The following OPCML variants were observed in gnomAD, a reference collection of about 807,000 sequenced individuals.
OPCML encodes opioid-binding protein/cell adhesion molecule.
Under a neutral mutation model 37.8 loss-of-function variants are expected in OPCML, and 13 were observed. The ratio of observed to expected loss-of-function variants is 0.34; its 90% CI spans 0.22 to 0.55. OPCML has a LOEUF of 0.55. Among genes scored for constraint, OPCML ranks in the 20% least tolerant of loss-of-function variants. The pLI is 0.91. For synonymous variants in OPCML, 176 were observed against 168.8 expected (o/e 1.04, Z -0.33); for missense variants, 341 against 435.6 (o/e 0.78, Z 1.93).
At chr11:132,565,180 C>A (rs2096419563) in intron 3 of OPCML, among the ~76,000 whole-genome samples, 2 of 152,180 alleles carry the variant, frequency 1.3e-5, no homozygotes, top group South Asian at 4.1e-4. Flanking sequence ...CTGGGAACCT[C>A]TCTAGGTTAT....
chr11:132,941,162 C>G (rs1213496540), intron 2 of OPCML, among the ~76,000 whole-genome samples: 1 of 152,150 alleles, frequency 6.6e-6, no homozygotes, highest in African/African-American at 2.4e-5. Flanking sequence ...AGCCCAGCTG[C>G]TCAACATTAG....
intron 1 of OPCML, among the ~76,000 whole-genome samples, chr11:132,950,567 T>C (rs559270663): frequency 6.6e-6 from 1 of 152,284 alleles, no homozygotes; most frequent in African/African-American, 2.4e-5. Context: ...GGGAGAAAGA[T>C]TTGAAGCTTA....
chr11:132,470,409 T>C (rs575626109), intron 4 of OPCML, among the ~76,000 whole-genome samples: 6 of 152,130 alleles, frequency 3.9e-5, no homozygotes, highest in Non-Finnish European at 5.9e-5. Context: ...GATAGCCGTG[T>C]CAGTCACTGA....
At chr11:132,797,308 C>T (rs1938383101) in intron 2 of OPCML, among the ~76,000 whole-genome samples, 1 of 152,214 alleles carries the variant, frequency 6.6e-6, no homozygotes, top group South Asian at 2.1e-4. Flanking sequence ...GTTCCAACTT[C>T]ATTATTTGCA....
intron 1 of OPCML, among the ~76,000 whole-genome samples, chr11:133,453,625 G>T (rs2136963267): frequency 6.6e-6 from 1 of 152,242 alleles, no homozygotes; most frequent in Non-Finnish European, 1.5e-5. Flanking sequence ...GAAATCTGTG[G>T]CTGGTGCTCA....
At chr11:133,340,698 C>T (rs944073720) in intron 1 of OPCML, among the ~76,000 whole-genome samples, 1 of 150,752 alleles carries the variant, frequency 6.6e-6, no homozygotes, top group African/African-American at 2.4e-5. Flanking sequence ...AATAGCCATT[C>T]TCGGTATAAC....
At position 132,852,890 on chromosome 11, in the gene OPCML, T is replaced by A. The variant is rs373999294; in HGVS notation, c.146+90036A>T. Among the ~76,000 whole-genome samples, 11 of 150,498 alleles carry A rather than the reference T, an allele frequency of 7.3e-5. No homozygotes were observed. In the East Asian group the frequency reaches 1.4e-3, roughly 19 times the overall value. The stretch of plus-strand genomic sequence containing the variant: ...GAACTGAGATCTTTTATTGAAAAAA[T>A]TTTAAAAGGTTGTTAAAAAAAAAAA... On this transcript the variant is annotated intron_variant, in intron 2 of 7. Coordinates refer to ENST00000524381, the MANE Select transcript of OPCML (RefSeq NM_001012393.5).
chr11:132,638,186 T>TATATATATATATAC lies in OPCML; in HGVS notation c.379+18900_379+18901insGTATATATATATAT, dbSNP rs71067383. ...GACTATATATATATATATATATATA[T>TATATATATATATAC]ACAGAGAGAGAGAGAGCATATATAC... On this transcript the variant is annotated intron_variant, in intron 3 of 7. Transcript: ENST00000524381. Among the ~76,000 whole-genome samples, 359 of 131,028 alleles carry TATATATATATATAC rather than the reference T, an allele frequency of 2.7e-3. 9 individuals carry two copies. Among genetic ancestry groups the TATATATATATATAC allele is most frequent in the East Asian group, 4.0e-3 (18 of 4,504 alleles). The allele number at this position is 131,028 out of a possible 152,430, so 86.0% of individuals were successfully genotyped here.
At chr11:133,492,010 G>T (rs999205402) in intron 1 of OPCML, among the ~76,000 whole-genome samples, 1 of 152,282 alleles carries the variant, frequency 6.6e-6, no homozygotes, top group South Asian at 2.1e-4. Flanking sequence ...AGGAAAGCAC[G>T]CTCAAATCAG....
intron 1 of OPCML, among the ~76,000 whole-genome samples, chr11:133,368,963 C>A (rs920684920): frequency 6.6e-6 from 1 of 152,134 alleles, no homozygotes; most frequent in South Asian, 2.1e-4. Context: ...AATTTAAAAC[C>A]GTTATAAGAA....
At chr11:132,666,133 C>T (rs1273018865) in intron 2 of OPCML, among the ~76,000 whole-genome samples, 2 of 152,118 alleles carry the variant, frequency 1.3e-5, no homozygotes, top group African/African-American at 2.4e-5. Flanking sequence ...ATGGTGTCTT[C>T]GTCCATTTCC....
chr11:132,648,111 TCA>T (rs2135741756), intron 3 of OPCML, among the ~76,000 whole-genome samples: 1 of 152,348 alleles, frequency 6.6e-6, no homozygotes, highest in East Asian at 1.9e-4. Flanking sequence ...TATTCTGAAT[TCA>T]CAGTTTACTT....
In OPCML at chr11:133,260,878, T is replaced by G. The variant is rs1034593842; in HGVS notation, c.61+271386A>C. ...CTTGATGCCTTAGTACATAGATTTT[T>G]TTTTTTCTGAAATAGACTAAGAAGA... On this transcript the variant is annotated intron_variant, in intron 1 of 7. Coordinates refer to ENST00000524381, the MANE Select transcript of OPCML (RefSeq NM_001012393.5). Among the ~76,000 whole-genome samples the G allele has an allele frequency of 2.0e-5, 3 of 152,098 alleles. No homozygotes were observed. In the East Asian group the frequency reaches 5.8e-4, roughly 29 times the overall value.
intron 1 of OPCML, among the ~76,000 whole-genome samples, chr11:133,477,934 A>G (rs1947280724): frequency 6.6e-6 from 1 of 152,230 alleles, no homozygotes; most frequent in South Asian, 2.1e-4. Context: ...TTTTGAGGAA[A>G]GGGTGTATGT....
intron 1 of OPCML, among the ~76,000 whole-genome samples, chr11:133,090,316 C>A (rs1487397047): frequency 2.0e-5 from 3 of 152,058 alleles, no homozygotes; most frequent in African/African-American, 7.3e-5. Flanking sequence ...GGGTAATGGG[C>A]AGAGGCTGGA....
chr11:132,439,027 C>T (rs748209009), intron 4 of OPCML, among the ~76,000 whole-genome samples: 8 of 152,126 alleles, frequency 5.3e-5, no homozygotes, highest in Admixed American at 1.3e-4. Flanking sequence ...AAATCAGCAC[C>T]GTTCTGTTAG....
At chr11:133,523,181 A>T (rs79105927) in intron 1 of OPCML, among the ~76,000 whole-genome samples, 1 of 152,322 alleles carries the variant, frequency 6.6e-6, no homozygotes, top group East Asian at 1.9e-4. Flanking sequence ...AGACCCAGAG[A>T]GGGCACCAGT....
chr11:133,242,795 C>T (rs1033456331), intron 1 of OPCML, among the ~76,000 whole-genome samples: 2 of 152,084 alleles, frequency 1.3e-5, no homozygotes, highest in Admixed American at 6.5e-5. Flanking sequence ...CTGCTCTGTG[C>T]CTGAGATAAA....
intron 1 of OPCML, among the ~76,000 whole-genome samples, chr11:133,001,536 C>G (rs761958264): frequency 9.9e-5 from 15 of 152,220 alleles, no homozygotes; most frequent in Non-Finnish European, 1.6e-4. Context: ...CAGGCCAAGC[C>G]TTTCTTGCTA....
Sources: gnomAD v4.1 joint callset for allele counts (sites outside exome capture counted in the v4.1 genomes callset) on GRCh38, gnomAD v4.1.1 for gene constraint, MANE v1.5 for transcripts, NCBI Gene and HGNC (gene_info 2026-07-23, HGNC 2026-07-21) for gene names.